DNAH7: variants seen among roughly 807,000 people sequenced by gnomAD.
DNAH7 encodes dynein axonemal heavy chain 7, also known as axonemal beta dynein heavy chain 7.
DNAH7 carries 397 observed loss-of-function variants against 444.6 expected under a neutral mutation model. That is an observed-to-expected ratio of 0.89 (90% CI 0.82 to 0.97). The LOEUF is 0.97. DNAH7 is among the 50% of genes least tolerant of loss of function. DNAH7 has a pLI of 0.00. For synonymous variants in DNAH7, 1,636 were observed against 1,624.4 expected, an observed-to-expected ratio of 1.01 and a Z score of -0.17; for missense variants, 4,902 against 4,800.8, an observed-to-expected ratio of 1.02 and a Z score of -0.62.
At chr2:195,824,733 C>G (rs1431407332) in intron 48 of DNAH7, among the ~76,000 whole-genome samples, 1 of 151,368 alleles carries the variant, frequency 6.6e-6, no homozygotes, top group African/African-American at 2.4e-5. Context: ...TCACCAGGCG[C>G]CCAGGTATTA....
intron 35 of DNAH7, among the ~76,000 whole-genome samples, chr2:195,883,875 A>G (rs2125186434): frequency 6.6e-6 from 1 of 152,320 alleles, no homozygotes; most frequent in African/African-American, 2.4e-5. Flanking sequence ...CCAAAGTAGT[A>G]CTTATAAAAG....
chr2:195,766,167 A>T (rs370783618), intron 61 of DNAH7, among the ~76,000 whole-genome samples: 4 of 57,338 alleles, frequency 7.0e-5, no homozygotes, highest in East Asian at 4.4e-4. Flanking sequence ...GTGGGAGCTA[A>T]TTTTTTTTTT....
chr2:195,814,444 C>T (rs920008930), intron 51 of DNAH7, among the ~76,000 whole-genome samples: 1 of 152,078 alleles, frequency 6.6e-6, no homozygotes, highest in Non-Finnish European at 1.5e-5. Flanking sequence ...AATTTCATAC[C>T]TTGGATGAGT....
At chr2:195,894,832 C>T in intron 30 of DNAH7, 144 bp downstream of exon 30, 1 of 843,192 alleles carries the variant, frequency 1.2e-6, no homozygotes, top group Non-Finnish European at 1.7e-6. Flanking sequence ...CTTCATTTTA[C>T]TTTTCTAAAA....
At chr2:196,026,055 G>T (rs2125776768) in intron 7 of DNAH7, among the ~76,000 whole-genome samples, 1 of 152,116 alleles carries the variant, frequency 6.6e-6, no homozygotes, top group Non-Finnish European at 1.5e-5. Context: ...CTGTACCATG[G>T]GTCAACAAAT....
At chr2:195,793,922 G>A (rs188003199) in intron 57 of DNAH7, among the ~76,000 whole-genome samples, 1 of 152,254 alleles carries the variant, frequency 6.6e-6, no homozygotes, top group East Asian at 1.9e-4. Flanking sequence ...CAATCAAGAA[G>A]TAAAATCATT....
At chr2:195,928,375 A>C (rs1403730394) in intron 21 of DNAH7, among the ~76,000 whole-genome samples, 1 of 152,206 alleles carries the variant, frequency 6.6e-6, no homozygotes, top group African/African-American at 2.4e-5. Context: ...GGAGTAGTTT[A>C]AATATTATCA....
In DNAH7 at chr2:195,796,614, C is replaced by T; in HGVS notation, c.10477G>A (p.Ala3493Thr). 1.2e-6 allele frequency: 2 copies of T among 1,614,124 alleles called. No individual in the cohort carries two copies. The highest frequency in any genetic ancestry group is 1.1e-5 in the South Asian group (1 of 91,078). Residue 3493 changes from alanine to threonine, a missense_variant, in exon 56 of 65, where the codon GCC becomes ACC. Transcript: ENST00000312428. ...TCAAGGGTTGGCATCCAAGAGGTGGCAAGGTGACAATTCTGAAGAACAACC... is the reference window on the plus strand; with the variant it reads ...TCAAGGGTTGGCATCCAAGAGGTGGTAAGGTGACAATTCTGAAGAACAACC... ...TWVVLQNCHL[A>T]TSWMPTLEKV... is the part of the protein sequence containing the mutation.
chr2:195,855,516 G>A (rs1195200892), intron 45 of DNAH7, among the ~76,000 whole-genome samples: 1 of 150,180 alleles, frequency 6.7e-6, no homozygotes, highest in East Asian at 1.9e-4. Flanking sequence ...TTTTTGGAAA[G>A]GCCCAGAGAA....
chr2:195,883,205 T>C (rs1337838046), intron 35 of DNAH7, among the ~76,000 whole-genome samples: 1 of 152,122 alleles, frequency 6.6e-6, no homozygotes, highest in Admixed American at 6.5e-5. Flanking sequence ...CCCAGCACTT[T>C]GGGAGGCCGA....
chr2:195,783,701 G>A (rs1466642445), intron 58 of DNAH7, among the ~76,000 whole-genome samples: 1 of 152,008 alleles, frequency 6.6e-6, no homozygotes, highest in Non-Finnish European at 1.5e-5. Flanking sequence ...TCTTTTACAG[G>A]GACACAATTC....
chr2:195,887,318 A>G (rs1413599370), intron 33 of DNAH7, among the ~76,000 whole-genome samples: 1 of 151,980 alleles, frequency 6.6e-6, no homozygotes, highest in Non-Finnish European at 1.5e-5. Context: ...CAGTTCATAT[A>G]TGTTAACTGT....
intron 12 of DNAH7, among the ~76,000 whole-genome samples, chr2:195,989,419 G>T (rs1468110624): frequency 6.6e-6 from 1 of 152,056 alleles, no homozygotes; most frequent in East Asian, 1.9e-4. Context: ...GTTTCTATTT[G>T]TATTTCTCTG....
At chr2:195,991,985 T>C (rs1010228331) in intron 12 of DNAH7, among the ~76,000 whole-genome samples, 22 of 152,212 alleles carry the variant, frequency 1.4e-4, no homozygotes, top group Admixed American at 1.3e-4. Context: ...CTAGGATTCC[T>C]TTAGTTTTTA....
rs747508564 is a variant in DNAH7, at chr2:195,872,288, CT to C, written c.6594del (p.Glu2199LysfsTer5). The C allele has an allele frequency of 3.1e-6, 5 of 1,613,806 alleles. No homozygotes were observed. The highest frequency in any genetic ancestry group is 4.2e-6 in the Non-Finnish European group (5 of 1,179,858). ...QGVCLSRPET[T>X]ETTEVIKRLW... ...AGACGTTTAATCACTTCTGTGGTTT[CT>C]GTTGTTTCTGGTCTTGACAAACAAA... On this transcript the variant is annotated frameshift_variant, in exon 40 of 65. Transcript: ENST00000312428. LOFTEE classifies it high-confidence loss of function.
chr2:196,051,113 AT>A, intron 3 of DNAH7, 73 bp downstream of exon 3: 1 of 1,375,550 alleles, frequency 7.3e-7, no homozygotes, highest in Non-Finnish European at 1.0e-6. Context: ...TTGCTTACTT[AT>A]TTTCAAGTTA....
chr2:195,747,677 C>A (rs1693512075), intron 63 of DNAH7, among the ~76,000 whole-genome samples: 1 of 152,158 alleles, frequency 6.6e-6, no homozygotes, highest in African/African-American at 2.4e-5. Context: ...AAGGCTGGTT[C>A]CATATATGCA....
intron 35 of DNAH7, among the ~76,000 whole-genome samples, chr2:195,884,196 A>G (rs1701577434): frequency 2.6e-5 from 4 of 152,234 alleles, no homozygotes; most frequent in African/African-American, 7.2e-5. Flanking sequence ...TTAAGATTAT[A>G]CCAGCTGGAT....
chr2:195,797,351 G>A (rs1161145368), intron 55 of DNAH7, among the ~76,000 whole-genome samples: 1 of 152,184 alleles, frequency 6.6e-6, no homozygotes, highest in Non-Finnish European at 1.5e-5. Context: ...GGATACGGAA[G>A]AGTGGGGTCT....
Sources: gnomAD v4.1 joint callset for allele counts (sites outside exome capture counted in the v4.1 genomes callset) on GRCh38, gnomAD v4.1.1 for gene constraint, MANE v1.5 for transcripts, NCBI Gene and HGNC (gene_info 2026-07-23, HGNC 2026-07-21) for gene names.